Variants in SVEP1 observed in about 807,000 individuals in gnomAD.
SVEP1 encodes the protein sushi, von Willebrand factor type A, EGF and pentraxin domain-containing protein 1.
Under a neutral mutation model 367.3 loss-of-function variants are expected in SVEP1, and 164 were observed. That is an observed-to-expected ratio of 0.45 (90% CI 0.39 to 0.51). The LOEUF is 0.51. Ranked by LOEUF, SVEP1 falls within the 20% of genes least tolerant of loss-of-function variation. SVEP1 has a pLI of 0.00. For missense variants in SVEP1, 4,117 were observed against 4,425.3 expected (o/e 0.93, Z 1.98); for synonymous variants, 1,666 against 1,611.6 (o/e 1.03, Z -0.81).
At chr9:110,508,226 A>T (rs1829653610) in intron 5 of SVEP1, among the ~76,000 whole-genome samples, 1 of 152,214 alleles carries the variant, frequency 6.6e-6, no homozygotes. Context: ...GACTTTTAAG[A>T]GAAAAGTCTA....
intron 36 of SVEP1, among the ~76,000 whole-genome samples, chr9:110,416,762 G>A (rs1482028545): frequency 5.3e-5 from 8 of 152,082 alleles, no homozygotes; most frequent in Non-Finnish European, 1.2e-4. Context: ...TAACCAAAGA[G>A]AAAACATATT....
chr9:110,491,590 G>GTGTGTGTGTGTGT (rs1554719181), intron 8 of SVEP1, among the ~76,000 whole-genome samples: 2 of 147,732 alleles, frequency 1.4e-5, no homozygotes, highest in Admixed American at 1.4e-4. Context: ...TATAGAATGG[G>GTGTGTGTGTGTGT]GTGTGTGTGT....
chr9:110,579,401 G>T lies in SVEP1; in HGVS notation c.143C>A (p.Ala48Glu). ...CGCTTCGTCGCCAGGAGCGGGCGGC[G>T]CGGGGATACTCCCGGGGGCCCCGGG... ...TAPGAPGSIP[A>E]PPAPGDEAAG... Residue 48 changes from alanine to glutamate, a missense_variant, in exon 1 of 48, where the codon GCG (alanine) becomes GAG (glutamate). This residue lies in a region of SVEP1 where 161 missense variants were observed against 122.4 expected (regional missense o/e 1.32). Transcript: ENST00000374469. The surrounding 1 kb of genome is among the most constrained non-coding windows in gnomAD (Gnocchi z 5.3). 2 of 1,574,054 alleles carry T rather than the reference G, an allele frequency of 1.3e-6. No homozygotes were observed. The highest frequency in any genetic ancestry group is 1.7e-6 in the Non-Finnish European group (2 of 1,160,802).
At position 110,408,669 on chromosome 9, in the gene SVEP1, T is replaced by A. The variant is rs747162694; in HGVS notation, c.6931A>T (p.Asn2311Tyr). ...ATGCACTTTGGATTTGACTTCTTAT[T>A]CCATTTGCCAGATTTCTGACATGTC... is the stretch of plus-strand genomic sequence containing the variant. Reference protein sequence around the residue: ...SWTCQKSGKWNKKSNPKCMPA... With the variant: ...SWTCQKSGKWYKKSNPKCMPA... Residue 2311 changes from asparagine to tyrosine, a missense_variant, in exon 38 of 48, where the codon AAT becomes TAT. This residue lies in a region of SVEP1 where 1,765 missense variants were observed against 1,781.1 expected (regional missense o/e 0.99). Transcript: ENST00000374469. 3.1e-6 allele frequency: 5 copies of A among 1,613,992 alleles called. No homozygotes were observed. Among genetic ancestry groups the A allele is most frequent in the Non-Finnish European group, 3.4e-6 (4 of 1,179,894 alleles).
chr9:110,485,111 T>C (rs1257724841), intron 9 of SVEP1, among the ~76,000 whole-genome samples: 1 of 152,136 alleles, frequency 6.6e-6, no homozygotes, highest in African/African-American at 2.4e-5. Flanking sequence ...CATAAATCAT[T>C]CTGTTACAAA....
At chr9:110,413,326 G>C (rs1406083411) in intron 36 of SVEP1, among the ~76,000 whole-genome samples, 1 of 147,792 alleles carries the variant, frequency 6.8e-6, no homozygotes, top group Non-Finnish European at 1.5e-5. Flanking sequence ...TCACTTATAG[G>C]TGGGAATTGA....
chr9:110,513,077 G>C lies in SVEP1; in HGVS notation c.1152C>G (p.Pro384=), dbSNP rs61998196. Residue 384 remains proline (P), a synonymous_variant, in exon 5 of 48, where the codon CCC becomes CCG. Transcript: ENST00000374469. ...ELVHCPALKP[P]ENGYFIQNTC... is the part of the protein sequence containing the mutation. ...TGTTTTGGATAAAGTAACCATTTTC[G>C]GGAGGCTTCAGGGCAGGGCAGTGGA... is the stretch of plus-strand genomic sequence containing the variant. 3 of 1,613,802 alleles carry C rather than the reference G, an allele frequency of 1.9e-6. No homozygotes were observed. Among genetic ancestry groups the C allele is most frequent in the East Asian group, 4.5e-5 (2 of 44,866 alleles).
chr9:110,388,359 G>A (rs756213854), intron 41 of SVEP1, among the ~76,000 whole-genome samples: 12 of 152,084 alleles, frequency 7.9e-5, no homozygotes, highest in African/African-American at 2.7e-4. Flanking sequence ...CAAAAAATGG[G>A]CTTGAGTCTT....
chr9:110,407,780 G>T lies in SVEP1; in HGVS notation c.7820C>A (p.Thr2607Lys), dbSNP rs41278437. Residue 2607 changes from threonine to lysine, a missense_variant, in exon 38 of 48, where the codon ACA becomes AAA. Around this residue, in one of 4 missense-constraint regions of SVEP1, gnomAD observed 1,765 missense variants for 1,781.1 expected, o/e 0.99. Coordinates refer to ENST00000374469, the MANE Select transcript of SVEP1 (RefSeq NM_153366.4). The stretch of plus-strand genomic sequence containing the variant: ...GAGGCCACAGTCTATTGGCATACAT[G>T]TTGGGATGGAACTTGACCATCCTGA... The part of the protein sequence containing the change: ...EESGWSSSIP[T>K]CMPIDCGLPP... 12 of 1,613,888 alleles carry T rather than the reference G, an allele frequency of 7.4e-6. No homozygotes were observed. Among genetic ancestry groups the T allele is most frequent in the Admixed American group, 1.7e-5 (1 of 60,010 alleles).
chr9:110,521,641 T>A (rs1006507356), intron 3 of SVEP1, among the ~76,000 whole-genome samples: 2 of 152,190 alleles, frequency 1.3e-5, no homozygotes, highest in Admixed American at 6.5e-5. Flanking sequence ...GTAGAGAACA[T>A]TTAAATGAAT....
At chr9:110,392,158 T>G (rs1236470253) in intron 40 of SVEP1, among the ~76,000 whole-genome samples, 1 of 148,534 alleles carries the variant, frequency 6.7e-6, no homozygotes, top group African/African-American at 2.5e-5. Flanking sequence ...TATATATCTC[T>G]TCTCTCTCTC....
At chr9:110,452,583 G>T (rs990581022) in intron 22 of SVEP1, among the ~76,000 whole-genome samples, 1 of 152,218 alleles carries the variant, frequency 6.6e-6, no homozygotes, top group Non-Finnish European at 1.5e-5. Context: ...TTGGTTAGGG[G>T]TGATGAGTCT....
At chr9:110,569,806 T>A (rs995035479) in intron 1 of SVEP1, among the ~76,000 whole-genome samples, 6 of 152,370 alleles carry the variant, frequency 3.9e-5, no homozygotes, top group African/African-American at 1.4e-4. Flanking sequence ...CTTACACATT[T>A]AGTACATCTA....
At chr9:110,576,008 C>T (rs1239200246) in intron 1 of SVEP1, among the ~76,000 whole-genome samples, 7 of 152,136 alleles carry the variant, frequency 4.6e-5, no homozygotes, top group Non-Finnish European at 1.0e-4. Context: ...CTGGTCTGAA[C>T]CCCAGGTCCT....
intron 26 of SVEP1, 50 bp downstream of exon 26, chr9:110,445,787 C>A: frequency 6.3e-7 from 1 of 1,597,564 alleles, no homozygotes; most frequent in Non-Finnish European, 8.6e-7. Flanking sequence ...AGTTCTAATT[C>A]GGTTCCAAGA....
At chr9:110,457,457 G>T in intron 20 of SVEP1, 105 bp from the exon 21 acceptor site, 1 of 855,016 alleles carries the variant, frequency 1.2e-6, no homozygotes, top group South Asian at 1.6e-5. Context: ...CGTTCCTCCT[G>T]TTTCCAGGTA....
chr9:110,571,963 G>C (rs1830568408), intron 1 of SVEP1, among the ~76,000 whole-genome samples: 1 of 152,148 alleles, frequency 6.6e-6, no homozygotes, highest in African/African-American at 2.4e-5. Flanking sequence ...TGCACCCTTG[G>C]AATGAATATT....
intron 8 of SVEP1, among the ~76,000 whole-genome samples, chr9:110,494,832 C>T (rs1458509836): frequency 1.3e-5 from 2 of 151,600 alleles, no homozygotes; most frequent in African/African-American, 2.4e-5. Context: ...TAAAGAAACC[C>T]AATTATTTAC....
At chr9:110,443,114 G>T (rs1828538788) in intron 27 of SVEP1, 1 of 153,284 alleles carries the variant, frequency 6.5e-6, no homozygotes, top group African/African-American at 2.4e-5. Flanking sequence ...TAAAACTCCT[G>T]GGATATTTAT....
Sources: gnomAD v4.1 joint callset for allele counts (sites outside exome capture counted in the v4.1 genomes callset) on GRCh38, gnomAD v4.1.1 for gene constraint, gnomAD v4.1.1 regional missense constraint, Gnocchi (gnomAD v3.1) non-coding constraint, MANE v1.5 for transcripts, NCBI Gene and HGNC (gene_info 2026-07-23, HGNC 2026-07-21) for gene names.